The following TPM4 variants were observed in gnomAD, a reference collection of about 807,000 sequenced individuals.
TPM4 encodes tropomyosin alpha-4 chain.
TPM4 carries 17 observed loss-of-function variants against 35.8 expected under a neutral mutation model. That is an observed-to-expected ratio of 0.47 (90% CI 0.32 to 0.71). The LOEUF (loss-of-function observed/expected upper bound fraction) is 0.71. Among genes scored for constraint, TPM4 ranks in the 30% least tolerant of loss-of-function variants. The probability of loss-of-function intolerance (pLI) is 0.03; values close to 1 mark genes in which losing one functional copy is unlikely to be tolerated. For missense variants in TPM4, 240 were observed against 320.9 expected (o/e 0.75, Z 1.93); for synonymous variants, 120 against 122.9 (o/e 0.98, Z 0.15).
At chr19:16,100,941 G>C (rs552094969) in intron 7 of TPM4, 1 of 198,846 alleles carries the variant, frequency 5.0e-6, no homozygotes, top group African/African-American at 2.4e-5. Flanking sequence ...AGGCCAAGGT[G>C]GGTGGATCAC....
At chr19:16,096,810 A>G (rs1016208788) in intron 7 of TPM4, among the ~76,000 whole-genome samples, 2 of 152,082 alleles carry the variant, frequency 1.3e-5, no homozygotes, top group Admixed American at 6.6e-5. Context: ...ATCAATCTCC[A>G]TTCATATTTC....
In TPM4 at chr19:16,102,537, G is replaced by A. The variant is rs1382335251; in HGVS notation, c.*1191G>A. ...TCTCTGGCAGCAGAGATTAAAAACT[G>A]GCCCAACTTCATTTCCATACTTCAG... On this transcript the variant is annotated 3_prime_UTR_variant, in exon 8 of 8. Transcript: ENST00000643579. 3 of 226,284 alleles carry A rather than the reference G, an allele frequency of 1.3e-5. No homozygotes were observed. 14.0% of individuals were successfully genotyped at this position (226,284 alleles called of 1,614,324 possible).
chr19:16,073,871 G>A (rs527385246), upstream of TPM4, among the ~76,000 whole-genome samples: 68 of 139,510 alleles, frequency 4.9e-4, no homozygotes, highest in Non-Finnish European at 3.8e-4. Context: ...GAGCCGAGGA[G>A]GTCAAGGCTG....
chr19:16,083,915 C>T (rs1329781284), intron 2 of TPM4, among the ~76,000 whole-genome samples: 13 of 152,070 alleles, frequency 8.5e-5, no homozygotes, highest in Admixed American at 8.5e-4. Flanking sequence ...ACTACAGGCG[C>T]ATGCCATCAT....
Position 16,081,930 on chromosome 19 carries a change from C to T in TPM4, c.150C>T (p.Ala50=), listed in dbSNP as rs147624035. The T allele has an allele frequency of 6.4e-4, 1,027 of 1,598,498 alleles. 6 individuals carry two copies. In the African/African-American group the frequency reaches 0.011, roughly 17 times the overall value. ...CTCCCCAGGCTGAAGGTGATGTGGCCGCCCTCAACCGACGCATCCAGCTCG... is the reference window on the plus strand; with the variant it reads ...CTCCCCAGGCTGAAGGTGATGTGGCTGCCCTCAACCGACGCATCCAGCTCG... The part of the protein sequence containing the change: ...ERREKAEGDV[A]ALNRRIQLVE... Residue 50 remains alanine (A), a synonymous_variant, in exon 2 of 8, where the codon GCC becomes GCT. Coordinates refer to ENST00000643579, the MANE Select transcript of TPM4 (RefSeq NM_003290.3).
At chr19:16,072,109 T>G (rs111629442), upstream of TPM4, among the ~76,000 whole-genome samples, 3,999 of 152,296 alleles carry the variant, frequency 0.026, 200 homozygotes, top group African/African-American at 0.092. Flanking sequence ...CGTGAGCCAC[T>G]GCGCCCAGCT....
intron 2 of TPM4, among the ~76,000 whole-genome samples, chr19:16,068,790 T>G (rs570877832): frequency 2.6e-5 from 4 of 151,814 alleles, no homozygotes; most frequent in African/African-American, 9.7e-5. Flanking sequence ...TGTTTGAGCC[T>G]TTCTGTGTGT....
At chr19:16,094,034 G>A (rs1489568786) in intron 7 of TPM4, among the ~76,000 whole-genome samples, 2 of 142,184 alleles carry the variant, frequency 1.4e-5, no homozygotes, top group South Asian at 4.5e-4. Context: ...GCGCCATCTC[G>A]GCTCACTGCA....
intron 1 of TPM4, chr19:16,080,860 T>A (rs1254960941): frequency 2.5e-6 from 1 of 394,488 alleles, no homozygotes; most frequent in Non-Finnish European, 4.5e-6. Context: ...GCCCAGCACT[T>A]TTTGGCCCTG....
At chr19:16,091,587 C>G (rs1413602990) in intron 5 of TPM4, among the ~76,000 whole-genome samples, 1 of 151,962 alleles carries the variant, frequency 6.6e-6, no homozygotes, top group African/African-American at 2.4e-5. Flanking sequence ...CCAGCCTGGG[C>G]AACATGGAGA....
Position 16,088,023 on chromosome 19 carries a change from G to A in TPM4, c.385-4G>A. The A allele has an allele frequency of 6.2e-7, 1 of 1,609,728 alleles. No individual in the cohort carries two copies. Among genetic ancestry groups the A allele is most frequent in the Non-Finnish European group, 8.5e-7 (1 of 1,178,680 alleles). ...GGCTCAGCTGGGCCTTTCTGTCTCT[G>A]CAGGTAGCTCGTAAGCTGGTCATCC... is the stretch of plus-strand genomic sequence containing the variant. On this transcript the variant is annotated splice_polypyrimidine_tract_variant and splice_region_variant and intron_variant, in intron 3 of 7. Coordinates refer to ENST00000643579, the MANE Select transcript of TPM4 (RefSeq NM_003290.3).
At chr19:16,096,160 A>G (rs1178925971) in intron 7 of TPM4, among the ~76,000 whole-genome samples, 1 of 152,010 alleles carries the variant, frequency 6.6e-6, no homozygotes, top group Non-Finnish European at 1.5e-5. Flanking sequence ...CAAACTCCTG[A>G]CCTTGTGATC....
intron 1 of TPM4, chr19:16,080,448 T>G (rs373178817): frequency 8.4e-4 from 164 of 195,982 alleles, no homozygotes; most frequent in Middle Eastern, 3.6e-3. Context: ...GTCCGGTAAC[T>G]AATCAGGCTT....
chr19:16,093,410 G>A, intron 5 of TPM4, 126 bp from the exon 6 acceptor site: 1 of 977,806 alleles, frequency 1.0e-6, no homozygotes, highest in South Asian at 1.4e-5. Context: ...TGGCCAGGCT[G>A]GTCTCGAACT....
chr19:16,076,301 CA>C, upstream of TPM4: 3 of 1,511,770 alleles, frequency 2.0e-6, no homozygotes, highest in Non-Finnish European at 2.6e-6. Flanking sequence ...GCGCTTTCTC[CA>C]AATAAGTCCC....
chr19:16,076,436 C>T (rs1411450588), upstream of TPM4: 10 of 1,342,276 alleles, frequency 7.5e-6, no homozygotes, highest in Non-Finnish European at 8.5e-6. Context: ...GCCCGGGGGG[C>T]GGGGAGAGGC....
At chr19:16,072,171 T>G (rs963558496), upstream of TPM4, among the ~76,000 whole-genome samples, 1 of 152,226 alleles carries the variant, frequency 6.6e-6, no homozygotes, top group African/African-American at 2.4e-5. Flanking sequence ...TGGGGTTGTG[T>G]CTTCGATTCA....
chr19:16,077,928 A>ATTTTTT, intron 1 of TPM4: 1 of 293,722 alleles, frequency 3.4e-6, no homozygotes, highest in Middle Eastern at 9.3e-4. Flanking sequence ...CGCCCAGCTA[A>ATTTTTT]TTTTTTTTTT....
intron 7 of TPM4, chr19:16,095,197 C>T (rs768042545): frequency 5.1e-5 from 50 of 989,530 alleles, no homozygotes; most frequent in Non-Finnish European, 5.9e-5. Context: ...TGTGGCACTC[C>T]ATTCCGACCC....
Sources: allele counts gnomAD v4.1 joint callset (sites outside exome capture counted in the v4.1 genomes callset), GRCh38; gene constraint gnomAD v4.1.1; transcripts MANE v1.5; gene names NCBI Gene and HGNC (gene_info 2026-07-23, HGNC 2026-07-21).